The following NDUFS4 variants were observed in gnomAD, a reference collection of about 807,000 sequenced individuals.
The protein encoded by NDUFS4 is NADH dehydrogenase [ubiquinone] iron-sulfur protein 4, mitochondrial.
A neutral mutation model predicts 24.3 loss-of-function variants in NDUFS4; 28 were observed. That is an observed-to-expected ratio of 1.15 (90% CI 0.85 to 1.58). NDUFS4 has a LOEUF of 1.58. Ranked by LOEUF, NDUFS4 falls within the 40% of genes most tolerant of loss-of-function variation. The pLI, the probability that NDUFS4 is intolerant of heterozygous loss-of-function variation, is 0.00. For synonymous variants in NDUFS4, 93 were observed against 69.7 expected (o/e 1.34, Z -1.67); for missense variants, 223 against 207.9 (o/e 1.07, Z -0.45).
intron 4 of NDUFS4, among the ~76,000 whole-genome samples, chr5:53,665,964 G>C (rs551147458): frequency 6.6e-6 from 1 of 152,224 alleles, no homozygotes; most frequent in South Asian, 2.1e-4. Context: ...CACCATCTTG[G>C]CTCCACCTTA....
intron 1 of NDUFS4, among the ~76,000 whole-genome samples, chr5:53,600,713 T>C (rs1480842379): frequency 2.0e-5 from 3 of 152,242 alleles, no homozygotes; most frequent in African/African-American, 7.2e-5. Context: ...ACATCTGATA[T>C]TTGAGTCCTT....
intron 1 of NDUFS4, among the ~76,000 whole-genome samples, chr5:53,577,647 G>T (rs1317840791): frequency 6.6e-6 from 1 of 151,978 alleles, no homozygotes; most frequent in Non-Finnish European, 1.5e-5. Context: ...TTTTCCCAGG[G>T]TTGTAAAAGA....
chr5:53,637,100 G>A (rs887632570), intron 2 of NDUFS4, among the ~76,000 whole-genome samples: 1 of 152,158 alleles, frequency 6.6e-6, no homozygotes, highest in Non-Finnish European at 1.5e-5. Flanking sequence ...CTTTTCATAA[G>A]GAGTCTCAGA....
At chr5:53,566,823 C>A (rs1749041885) in intron 1 of NDUFS4, among the ~76,000 whole-genome samples, 1 of 150,554 alleles carries the variant, frequency 6.6e-6, no homozygotes, top group South Asian at 2.1e-4. Flanking sequence ...AGTACAGATG[C>A]AGTTTTTCCT....
chr5:53,675,157 C>CCTT (rs1740419693), intron 4 of NDUFS4, among the ~76,000 whole-genome samples: 1 of 102,950 alleles, frequency 9.7e-6, no homozygotes. Context: ...AACAGAGTTC[C>CCTT]TTTTTTTTTT....
At chr5:53,587,485 T>A (rs444848) in intron 1 of NDUFS4, among the ~76,000 whole-genome samples, 1 of 152,056 alleles carries the variant, frequency 6.6e-6, no homozygotes, top group Admixed American at 6.5e-5. Flanking sequence ...AGGCATATAT[T>A]TGAGTATGTA....
intron 3 of NDUFS4, among the ~76,000 whole-genome samples, chr5:53,655,467 A>G (rs577645568): frequency 7.3e-6 from 1 of 137,076 alleles, no homozygotes; most frequent in East Asian, 2.1e-4. Context: ...ATTCCATGCT[A>G]TTTATTGATG....
intron 1 of NDUFS4, 101 bp from the exon 2 acceptor site, chr5:53,603,351 T>C (rs75151684): frequency 2.5e-6 from 2 of 789,092 alleles, no homozygotes; most frequent in Non-Finnish European, 4.1e-6. Flanking sequence ...TTTTTTTTTT[T>C]AATAAGACAG....
intron 2 of NDUFS4, among the ~76,000 whole-genome samples, chr5:53,623,498 A>G (rs1403445767): frequency 6.6e-6 from 1 of 152,132 alleles, no homozygotes; most frequent in Non-Finnish European, 1.5e-5. Flanking sequence ...TTTTCTGTAT[A>G]TTCTGGATCT....
intron 1 of NDUFS4, among the ~76,000 whole-genome samples, chr5:53,589,270 A>G (rs1994648): frequency 0.16 from 25,017 of 152,216 alleles, 2,290 homozygotes; most frequent in Non-Finnish European, 0.21. Context: ...GCACTTGAAT[A>G]GAGAATTGCT....
chr5:53,643,563 A>C (rs1045456353), intron 2 of NDUFS4, among the ~76,000 whole-genome samples: 1 of 152,092 alleles, frequency 6.6e-6, no homozygotes, highest in Non-Finnish European at 1.5e-5. Context: ...TTGGAGTGGG[A>C]GCTTTAGCCC....
intron 2 of NDUFS4, among the ~76,000 whole-genome samples, chr5:53,632,846 A>G (rs1327960074): frequency 6.6e-6 from 1 of 152,230 alleles, no homozygotes; most frequent in African/African-American, 2.4e-5. Context: ...CAGGATCCAT[A>G]TACTACACTG....
intron 1 of NDUFS4, among the ~76,000 whole-genome samples, chr5:53,587,908 C>G (rs533688561): frequency 6.6e-6 from 1 of 152,136 alleles, no homozygotes; most frequent in Non-Finnish European, 1.5e-5. Flanking sequence ...AATTACCACT[C>G]AGTCAATGAA....
At chr5:53,679,212 A>G (rs529391207) in intron 4 of NDUFS4, among the ~76,000 whole-genome samples, 35 of 152,262 alleles carry the variant, frequency 2.3e-4, no homozygotes, top group African/African-American at 7.2e-4. Context: ...CTTTGGAAAC[A>G]AAGTTGTTTG....
intron 3 of NDUFS4, among the ~76,000 whole-genome samples, chr5:53,648,096 A>G (rs1384621878): frequency 6.6e-6 from 1 of 152,214 alleles, no homozygotes. Flanking sequence ...CACTTTGCTA[A>G]GAATATTCTG....
intron 4 of NDUFS4, among the ~76,000 whole-genome samples, chr5:53,678,997 C>G (rs1235847883): frequency 6.6e-6 from 1 of 152,118 alleles, no homozygotes; most frequent in Non-Finnish European, 1.5e-5. Flanking sequence ...GAAATGTGAT[C>G]AGATTCTTAA....
intron 1 of NDUFS4, among the ~76,000 whole-genome samples, chr5:53,586,594 C>T (rs1749763516): frequency 6.6e-6 from 1 of 152,124 alleles, no homozygotes; most frequent in African/African-American, 2.4e-5. Flanking sequence ...GCAATCTTGG[C>T]TCACTGCAAG....
intron 2 of NDUFS4, among the ~76,000 whole-genome samples, chr5:53,631,632 G>T (rs780485289): frequency 1.3e-5 from 2 of 152,150 alleles, no homozygotes; most frequent in South Asian, 2.1e-4. Context: ...AGCTGTGATG[G>T]GATCCTCCCA....
intron 1 of NDUFS4, 151 bp from the exon 2 acceptor site, chr5:53,603,301 A>G (rs1750386119): frequency 6.4e-6 from 4 of 628,852 alleles, no homozygotes; most frequent in Admixed American, 2.8e-5. Context: ...GCAGAGAAAA[A>G]GGACTTTTGT....
Sources: allele counts gnomAD v4.1 joint callset (sites outside exome capture counted in the v4.1 genomes callset), GRCh38; gene constraint gnomAD v4.1.1; transcripts MANE v1.5; gene names NCBI Gene and HGNC (gene_info 2026-07-23, HGNC 2026-07-21).